CRPPA: variants seen among roughly 807,000 people sequenced by gnomAD.
CRPPA encodes D-ribitol-5-phosphate cytidylyltransferase.
Under a neutral mutation model 52.0 loss-of-function variants are expected in CRPPA, and 43 were observed. The ratio of observed to expected loss-of-function variants is 0.83; its 90% CI spans 0.65 to 1.07. The LOEUF (loss-of-function observed/expected upper bound fraction) is 1.07. Ranked by LOEUF, CRPPA falls within the 50% of genes least tolerant of loss-of-function variation. The probability of loss-of-function intolerance (pLI) is 0.00; values close to 1 mark genes in which losing one functional copy is unlikely to be tolerated. For missense variants in CRPPA, 629 were observed against 551.7 expected (o/e 1.14, Z -1.40); for synonymous variants, 250 against 203.5 (o/e 1.23, Z -1.94).
At chr7:16,248,648 C>A (rs903199493) in intron 8 of CRPPA, among the ~76,000 whole-genome samples, 4 of 152,170 alleles carry the variant, frequency 2.6e-5, no homozygotes, top group Non-Finnish European at 1.5e-5. Context: ...GCAAGATCCA[C>A]GCGGAAGGCA....
intron 9 of CRPPA, among the ~76,000 whole-genome samples, chr7:16,215,268 C>T (rs1462455544): frequency 1.3e-5 from 2 of 152,168 alleles, no homozygotes; most frequent in East Asian, 3.9e-4. Flanking sequence ...GTTCAACTTG[C>T]TAGACTCTTG....
chr7:16,349,202 G>A (rs558619030), intron 3 of CRPPA, among the ~76,000 whole-genome samples: 1 of 152,220 alleles, frequency 6.6e-6, no homozygotes, highest in Admixed American at 6.5e-5. Context: ...AGGTATCAGA[G>A]TACTGCCAGG....
At chr7:16,176,957 T>C (rs747819499) in intron 9 of CRPPA, among the ~76,000 whole-genome samples, 1 of 152,156 alleles carries the variant, frequency 6.6e-6, no homozygotes, top group Admixed American at 6.5e-5. Context: ...TCCATAAGAA[T>C]ACTATTCAGC....
At chr7:16,236,046 G>T (rs1323115861) in intron 8 of CRPPA, 1 of 151,986 alleles carries the variant, frequency 6.6e-6, no homozygotes, top group Non-Finnish European at 1.5e-5. Context: ...GGCCACATTT[G>T]CTGGGAGGGC....
intron 3 of CRPPA, among the ~76,000 whole-genome samples, chr7:16,327,698 A>G (rs1785450202): frequency 6.6e-6 from 1 of 151,982 alleles, no homozygotes; most frequent in African/African-American, 2.4e-5. Flanking sequence ...TCCTACATTC[A>G]TACATTCAAT....
rs1156874879 is a variant in CRPPA at position 16,345,338 on chromosome 7, C to A, written c.684+30754G>T. Among the ~76,000 whole-genome samples, 3 of 152,054 alleles carry A rather than the reference C, an allele frequency of 2.0e-5. No homozygotes were observed. In the East Asian group the frequency reaches 5.8e-4, roughly 29 times the overall value. ...ATCTGTTGCTAGTCAACCTGTGCTACAAGAAATACCAAACGGAATACTTGA... is the reference window on the plus strand; with the variant it reads ...ATCTGTTGCTAGTCAACCTGTGCTAAAAGAAATACCAAACGGAATACTTGA... On this transcript the variant is annotated intron_variant, in intron 3 of 9. Coordinates refer to ENST00000407010, the MANE Select transcript of CRPPA (RefSeq NM_001101426.4).
At chr7:16,103,812 C>G (rs970843328) in intron 9 of CRPPA, among the ~76,000 whole-genome samples, 2 of 152,084 alleles carry the variant, frequency 1.3e-5, no homozygotes, top group Admixed American at 1.3e-4. Context: ...GAAAGCTTAT[C>G]CTAGAGTTAC....
chr7:16,262,559 T>A (rs573164359), intron 6 of CRPPA, among the ~76,000 whole-genome samples: 1 of 152,222 alleles, frequency 6.6e-6, no homozygotes, highest in Non-Finnish European at 1.5e-5. Context: ...TTACTTCTTA[T>A]GTGCATTATA....
intron 2 of CRPPA, among the ~76,000 whole-genome samples, chr7:16,378,284 C>A (rs1786960770): frequency 8.2e-6 from 1 of 121,310 alleles, no homozygotes; most frequent in Non-Finnish European, 1.7e-5. Flanking sequence ...CAACAGACCC[C>A]AGAGTGTGAT....
At chr7:16,326,638 G>C (rs1443918122) in intron 3 of CRPPA, among the ~76,000 whole-genome samples, 1 of 152,192 alleles carries the variant, frequency 6.6e-6, no homozygotes, top group Non-Finnish European at 1.5e-5. Flanking sequence ...ATTATGTTCT[G>C]AAGTTAAAGA....
At chr7:16,243,018 T>C (rs989921035) in intron 8 of CRPPA, among the ~76,000 whole-genome samples, 3 of 152,228 alleles carry the variant, frequency 2.0e-5, no homozygotes, top group Non-Finnish European at 4.4e-5. Flanking sequence ...GGTTTGGGTC[T>C]GTGTTCCCAC....
chr7:16,094,706 T>C (rs1291681211), intron 9 of CRPPA, among the ~76,000 whole-genome samples: 5 of 152,098 alleles, frequency 3.3e-5, no homozygotes. Context: ...ATGCTGATAG[T>C]ATACATTCTT....
chr7:16,161,437 A>G (rs1280810639), intron 9 of CRPPA, among the ~76,000 whole-genome samples: 3 of 152,198 alleles, frequency 2.0e-5, no homozygotes, highest in Non-Finnish European at 4.4e-5. Context: ...ATCTATTGAC[A>G]TAATCATGTG....
intron 3 of CRPPA, among the ~76,000 whole-genome samples, chr7:16,327,048 T>G (rs947326667): frequency 2.6e-5 from 4 of 152,152 alleles, no homozygotes; most frequent in Non-Finnish European, 5.9e-5. Context: ...ACATGCTAGC[T>G]CGTTTTTGCC....
chr7:16,128,897 A>C (rs1331326936), intron 9 of CRPPA, among the ~76,000 whole-genome samples: 8 of 152,178 alleles, frequency 5.3e-5, no homozygotes, highest in Non-Finnish European at 1.5e-5. Context: ...GATCCCAATA[A>C]CAGAAAATTA....
At chr7:16,140,545 A>C (rs966564005) in intron 9 of CRPPA, among the ~76,000 whole-genome samples, 1 of 152,226 alleles carries the variant, frequency 6.6e-6, no homozygotes, top group African/African-American at 2.4e-5. Flanking sequence ...TGGATATAAC[A>C]TAAAAAGTTG....
At chr7:16,217,064 G>C (rs1327180957) in intron 8 of CRPPA, among the ~76,000 whole-genome samples, 1 of 150,516 alleles carries the variant, frequency 6.6e-6, no homozygotes, top group Non-Finnish European at 1.5e-5. Flanking sequence ...GAAGAGAGCA[G>C]TGGTTCTCCC....
chr7:16,296,870 T>C (rs1419658325), intron 5 of CRPPA, among the ~76,000 whole-genome samples: 1 of 152,210 alleles, frequency 6.6e-6, no homozygotes, highest in Non-Finnish European at 1.5e-5. Context: ...GACTGTACTA[T>C]GTGCTTAGGA....
intron 6 of CRPPA, among the ~76,000 whole-genome samples, chr7:16,271,470 A>G (rs1784088056): frequency 6.6e-6 from 1 of 152,158 alleles, no homozygotes; most frequent in African/African-American, 2.4e-5. Flanking sequence ...GTAACAGTAG[A>G]AGTGGTAAAC....
Sources: allele counts gnomAD v4.1 joint callset (sites outside exome capture counted in the v4.1 genomes callset), GRCh38; gene constraint gnomAD v4.1.1; transcripts MANE v1.5; gene names NCBI Gene and HGNC (gene_info 2026-07-23, HGNC 2026-07-21).